The following DNAH5 variants were observed in gnomAD, a reference collection of about 807,000 sequenced individuals.
The protein encoded by DNAH5 is dynein axonemal heavy chain 5.
A neutral mutation model predicts 518.2 loss-of-function variants in DNAH5; 372 were observed. The observed-to-expected ratio is 0.72, with a 90% CI of 0.66 to 0.78. The LOEUF (loss-of-function observed/expected upper bound fraction) is 0.78. Among genes scored for constraint, DNAH5 ranks in the 30% least tolerant of loss-of-function variants. DNAH5 has a pLI of 0.00. For synonymous variants in DNAH5, 2,039 were observed against 2,025.9 expected (o/e 1.01, Z -0.17); for missense variants, 5,523 against 5,687.0 (o/e 0.97, Z 0.93).
chr5:14,005,716 T>C (rs1784681028), intron 1 of DNAH5, among the ~76,000 whole-genome samples: 1 of 152,228 alleles, frequency 6.6e-6, no homozygotes, highest in Non-Finnish European at 1.5e-5. Context: ...GGAGTTTGCA[T>C]TTAAAATTCA....
chr5:13,875,570 A>G (rs534592048), intron 22 of DNAH5, among the ~76,000 whole-genome samples: 1 of 151,666 alleles, frequency 6.6e-6, no homozygotes, highest in African/African-American at 2.4e-5. Flanking sequence ...GTGGTTGATC[A>G]TACTAGAGAA....
chr5:13,772,708 A>G (rs112372005), intron 55 of DNAH5, among the ~76,000 whole-genome samples: 1 of 152,252 alleles, frequency 6.6e-6, no homozygotes, highest in African/African-American at 2.4e-5. Context: ...AGTTATTAAA[A>G]TTACTACAAA....
At chr5:13,989,795 T>C (rs339413) in intron 1 of DNAH5, among the ~76,000 whole-genome samples, 3,780 of 152,230 alleles carry the variant, frequency 0.025, 156 homozygotes, top group African/African-American at 0.086. Context: ...GGGAGACTAT[T>C]AATAGTGATT....
chr5:13,840,999 G>C lies in DNAH5; in HGVS notation c.5616C>G (p.Asp1872Glu). The stretch of plus-strand genomic sequence containing the variant: ...TGGAACTCAGATCCCTCGTGGTGAC[G>C]TCTATCAATGTATTGAGTAGCTCCA... ...AFLELLNTLIDVTTRDLSSTE... is the reference protein window; with the variant it reads ...AFLELLNTLIEVTTRDLSSTE... The change falls in exon 34 of 79, where the codon GAC (aspartate) becomes GAG (glutamate). Residue 1872 changes from aspartate to glutamate, a missense_variant. Asp to Glu is a conservative substitution (Grantham distance 45). Coordinates refer to ENST00000265104, the MANE Select transcript of DNAH5 (RefSeq NM_001369.3). The C allele has an allele frequency of 4.3e-6, 7 of 1,614,136 alleles. No individual in the cohort carries two copies. The highest frequency in any genetic ancestry group is 4.2e-6 in the Non-Finnish European group (5 of 1,180,006).
chr5:13,959,448 C>A (rs1396006053), intron 1 of DNAH5, among the ~76,000 whole-genome samples: 1 of 152,228 alleles, frequency 6.6e-6, no homozygotes, highest in African/African-American at 2.4e-5. Context: ...ATCAGGCCAA[C>A]TTGGCCAAAC....
At chr5:13,766,268 G>T in intron 58 of DNAH5, 89 bp from the exon 59 acceptor site, 1 of 1,438,576 alleles carries the variant, frequency 7.0e-7, no homozygotes, top group Non-Finnish European at 9.8e-7. Flanking sequence ...TATTTCAACA[G>T]AGGACAGAAA....
chr5:13,824,174 G>T, intron 39 of DNAH5, 25 bp downstream of exon 39: 1 of 1,612,516 alleles, frequency 6.2e-7, no homozygotes, highest in South Asian at 1.1e-5. Flanking sequence ...CAAGTAGGTG[G>T]AACACTTCCA....
intron 69 of DNAH5, among the ~76,000 whole-genome samples, chr5:13,729,020 G>A (rs954466954): frequency 3.9e-5 from 6 of 152,162 alleles, no homozygotes; most frequent in African/African-American, 1.4e-4. Context: ...AAGAAGAAGA[G>A]GGAGAGAAAC....
chr5:13,827,057 T>A (rs1762976149), intron 38 of DNAH5, among the ~76,000 whole-genome samples: 1 of 152,186 alleles, frequency 6.6e-6, no homozygotes, highest in African/African-American at 2.4e-5. Context: ...TCACTGTTGC[T>A]ATACAAAGAG....
At chr5:13,706,825 T>C (rs1742850173) in intron 76 of DNAH5, among the ~76,000 whole-genome samples, 2 of 152,190 alleles carry the variant, frequency 1.3e-5, no homozygotes, top group South Asian at 4.1e-4. Flanking sequence ...TATTTTGATA[T>C]ATACATACTA....
intron 50 of DNAH5, among the ~76,000 whole-genome samples, chr5:13,790,420 C>T (rs1756780386): frequency 6.6e-6 from 1 of 152,170 alleles, no homozygotes; most frequent in East Asian, 1.9e-4. Flanking sequence ...AGCTGGAGGC[C>T]ATTATCCTTA....
rs547729937 is a variant in DNAH5, at chr5:13,769,543, C to T, written c.9678G>A (p.Ala3226=). The T allele has an allele frequency of 2.0e-5, 32 of 1,614,050 alleles. No individual in the cohort carries two copies. Among genetic ancestry groups the T allele is most frequent in the South Asian group, 1.5e-4 (14 of 91,072 alleles). The change falls in exon 57 of 79, where the codon GCG becomes GCA. Residue 3226 remains alanine, a synonymous_variant. Transcript: ENST00000265104. The part of the protein sequence containing the change: ...SVAALSKELE[A]KEKELQVAND... ...TGGCCACTTGTAGCTCCTTTTCTTT[C>T]GCTTCCAGTTCTTTACTCAAGGCTG...
chr5:13,808,887 G>A (rs1439915491), intron 46 of DNAH5, among the ~76,000 whole-genome samples, 157 bp downstream of exon 46: 1 of 152,044 alleles, frequency 6.6e-6, no homozygotes, highest in East Asian at 1.9e-4. Context: ...GTGAACCCGG[G>A]AGGTGGAGCC....
intron 53 of DNAH5, among the ~76,000 whole-genome samples, chr5:13,779,372 A>G (rs1580195596): frequency 6.6e-6 from 1 of 152,332 alleles, no homozygotes; most frequent in Middle Eastern, 3.4e-3. Flanking sequence ...AAGTGTAACA[A>G]CAGCTTAAAT....
At chr5:13,788,432 T>G (rs1561260979) in intron 51 of DNAH5, among the ~76,000 whole-genome samples, 2 of 152,198 alleles carry the variant, frequency 1.3e-5, no homozygotes, top group Non-Finnish European at 2.9e-5. Context: ...CTCACCTCTG[T>G]CTGCCAGACT....
intron 47 of DNAH5, among the ~76,000 whole-genome samples, chr5:13,805,810 A>C (rs756500466): frequency 8.5e-5 from 13 of 152,206 alleles, no homozygotes; most frequent in Non-Finnish European, 1.8e-4. Context: ...ATGGAAACTG[A>C]GAGGGCTGAG....
chr5:13,772,728 C>T (rs1353965549), intron 55 of DNAH5, among the ~76,000 whole-genome samples: 1 of 152,102 alleles, frequency 6.6e-6, no homozygotes, highest in Admixed American at 6.5e-5. Context: ...AATCCAGTAT[C>T]AGCCCTAGGG....
chr5:13,713,342 T>C (rs1743806866), intron 75 of DNAH5, among the ~76,000 whole-genome samples: 1 of 144,696 alleles, frequency 6.9e-6, no homozygotes, highest in African/African-American at 2.5e-5. Context: ...CATATATATA[T>C]ACCGACATAT....
In DNAH5 at chr5:13,762,676, A is replaced by T. The variant is rs878999866; in HGVS notation, c.10281+46T>A. 3 of 1,574,098 alleles carry T rather than the reference A, an allele frequency of 1.9e-6. No individual in the cohort carries two copies. The South Asian group carries it at 3.3e-5, about 17-fold the overall frequency. ...GTAAAGATAAGACGGGTCGACCTGG[A>T]GACTCCGCCCAGCCACCTTCACCCA... On this transcript the variant is annotated intron_variant, in intron 60 of 78. Coordinates refer to ENST00000265104, the MANE Select transcript of DNAH5 (RefSeq NM_001369.3).
Sources: allele counts gnomAD v4.1 joint callset (sites outside exome capture counted in the v4.1 genomes callset), GRCh38; gene constraint gnomAD v4.1.1; transcripts MANE v1.5; gene names NCBI Gene and HGNC (gene_info 2026-07-23, HGNC 2026-07-21).